ZNF516: variants seen among roughly 807,000 people sequenced by gnomAD.
ZNF516 encodes the protein zinc finger protein 516.
A neutral mutation model predicts 79.7 loss-of-function variants in ZNF516; 19 were observed. That is an observed-to-expected ratio of 0.24 (90% CI 0.17 to 0.35). ZNF516 has a LOEUF of 0.35. Among genes scored for constraint, ZNF516 ranks in the 10% least tolerant of loss-of-function variants. The pLI, the probability that ZNF516 is intolerant of heterozygous loss-of-function variation, is 1.00. For synonymous variants in ZNF516, 877 were observed against 739.5 expected (o/e 1.19, Z -3.02); for missense variants, 1,678 against 1,679.5 (o/e 1.00, Z 0.02).
At position 76,379,496 on chromosome 18, in the gene ZNF516, C is replaced by A; in HGVS notation, c.2618G>T (p.Gly873Val). The change falls in exon 4 of 7, where the codon GGT becomes GTT. Residue 873 changes from glycine to valine, a missense_variant. This residue lies in a region of ZNF516 where 1,294 missense variants were observed against 1,248.3 expected (regional missense o/e 1.04). Coordinates refer to ENST00000443185, the MANE Select transcript of ZNF516 (RefSeq NM_014643.4). ...MPKNKESHSG[G>V]PCALWAPGPD... ...GCCGGGCGCCCACAGAGCGCAGGGA[C>A]CTCCGGAATGGCTCTCCTTATTCTT... is the stretch of plus-strand genomic sequence containing the variant. 1 of 1,613,748 alleles carries A rather than the reference C, an allele frequency of 6.2e-7. No individual in the cohort carries two copies. Among genetic ancestry groups the A allele is most frequent in the Non-Finnish European group, 8.5e-7 (1 of 1,179,898 alleles).
intron 3 of ZNF516, among the ~76,000 whole-genome samples, chr18:76,419,837 A>G (rs1401079981): frequency 2.0e-5 from 3 of 152,242 alleles, no homozygotes; most frequent in African/African-American, 7.2e-5. Context: ...CAGCATGAGA[A>G]GAGACTAATA....
At position 76,442,109 on chromosome 18, in the gene ZNF516, C is replaced by A; in HGVS notation, c.946G>T (p.Ala316Ser). The A allele has an allele frequency of 6.2e-7, 1 of 1,613,960 alleles. No homozygotes were observed. Among genetic ancestry groups the A allele is most frequent in the Non-Finnish European group, 8.5e-7 (1 of 1,179,892 alleles). Reference protein sequence around the residue: ...NRPKSELDPIATINNVVQEEV... With the variant: ...NRPKSELDPISTINNVVQEEV... ...TCCTGGACCACGTTGTTGATGGTGG[C>A]GATGGGGTCCAGCTCACTCTTGGGC... The change falls in exon 3 of 7, where the codon GCC becomes TCC. Residue 316 changes from alanine (A) to serine (S), a missense_variant. This residue lies in a region of ZNF516 where 1,294 missense variants were observed against 1,248.3 expected (regional missense o/e 1.04). Transcript: ENST00000443185.
At chr18:76,411,130 T>G (rs1043294760) in intron 3 of ZNF516, among the ~76,000 whole-genome samples, 9 of 152,210 alleles carry the variant, frequency 5.9e-5, no homozygotes, top group African/African-American at 2.2e-4. Context: ...TAACAGGTCC[T>G]CCTCCGGGAT....
At position 76,493,468 on chromosome 18, in the gene ZNF516, T is replaced by C. The variant is rs1915352122; in HGVS notation, c.-272+1676A>G. ...GTAACAAACACTCGTTCCTAATTTA[T>C]GAACTCGCCGTTTTGATTTTATTAT... On this transcript the variant is annotated intron_variant, in intron 1 of 6. Coordinates refer to ENST00000443185, the MANE Select transcript of ZNF516 (RefSeq NM_014643.4). The surrounding 1 kb of genome is among the most constrained non-coding windows in gnomAD (Gnocchi z 5.2). The C allele has an allele frequency of 6.6e-6, 1 of 152,412 alleles. No individual in the cohort carries two copies. Among genetic ancestry groups the C allele is most frequent in the Admixed American group, 6.5e-5 (1 of 15,290 alleles). 9.4% of individuals were successfully genotyped at this position (152,412 alleles called of 1,614,324 possible).
intron 3 of ZNF516, among the ~76,000 whole-genome samples, chr18:76,424,703 C>T (rs1425967055): frequency 7.1e-6 from 1 of 140,380 alleles, no homozygotes; most frequent in African/African-American, 2.7e-5. Flanking sequence ...CCGAAACACA[C>T]GCAGGTGAAA....
At chr18:76,429,435 T>C (rs2075634637) in intron 3 of ZNF516, among the ~76,000 whole-genome samples, 1 of 152,018 alleles carries the variant, frequency 6.6e-6, no homozygotes, top group Admixed American at 6.5e-5. Context: ...CTCACTGAGG[T>C]GTTTTGTGCT....
intron 3 of ZNF516, among the ~76,000 whole-genome samples, chr18:76,397,204 T>C (rs1378942461): frequency 3.3e-5 from 5 of 152,210 alleles, no homozygotes; most frequent in Admixed American, 3.3e-4. Flanking sequence ...AGTGACAGCG[T>C]GGGTCTTGCC....
intron 1 of ZNF516, among the ~76,000 whole-genome samples, chr18:76,477,518 G>C (rs1914243395): frequency 6.6e-6 from 1 of 152,180 alleles, no homozygotes; most frequent in South Asian, 2.1e-4. Context: ...TGGGACAAAA[G>C]GCGAGATTCG....
chr18:76,470,264 C>T (rs527939710), intron 1 of ZNF516, among the ~76,000 whole-genome samples: 1 of 152,232 alleles, frequency 6.6e-6, no homozygotes, highest in East Asian at 1.9e-4. Context: ...GCGTTTTCCC[C>T]CCAACTTTTA....
intron 3 of ZNF516, among the ~76,000 whole-genome samples, chr18:76,430,286 CTAGTCT>C (rs2075645950): frequency 6.6e-6 from 1 of 152,154 alleles, no homozygotes. Context: ...CTATCATGTC[CTAGTCT>C]AATACCGAAA....
chr18:76,382,176 AAAAT>A (rs958403116), intron 3 of ZNF516, among the ~76,000 whole-genome samples: 3 of 152,170 alleles, frequency 2.0e-5, no homozygotes, highest in Non-Finnish European at 2.9e-5. Flanking sequence ...TTTAAAATAA[AAAAT>A]AAATCAATGA....
intron 6 of ZNF516, among the ~76,000 whole-genome samples, chr18:76,366,471 T>C (rs1217969399): frequency 6.6e-6 from 1 of 152,190 alleles, no homozygotes; most frequent in Non-Finnish European, 1.5e-5. Context: ...TAATGAATAA[T>C]TAACGACAAG....
chr18:76,408,222 C>T lies in ZNF516; in HGVS notation c.1811-27919G>A, dbSNP rs138376779. Among the ~76,000 whole-genome samples, 336 of 152,278 alleles carry T rather than the reference C, an allele frequency of 2.2e-3. 1 individual carries two copies. Among genetic ancestry groups the T allele is most frequent in the Middle Eastern group, 6.8e-3 (2 of 294 alleles). ...TAGACCTTGCATGAACGTTTTTAATCGCACGTCACTATGACCTCCCCGCTG... is the reference window on the plus strand; with the variant it reads ...TAGACCTTGCATGAACGTTTTTAATTGCACGTCACTATGACCTCCCCGCTG... On this transcript the variant is annotated intron_variant, in intron 3 of 6. Transcript: ENST00000443185.
At chr18:76,368,914 A>G (rs1046785626) in intron 6 of ZNF516, among the ~76,000 whole-genome samples, 6 of 152,196 alleles carry the variant, frequency 3.9e-5, no homozygotes, top group Non-Finnish European at 5.9e-5. Context: ...CAGCAAATAA[A>G]CTGACATGCA....
chr18:76,399,445 TG>T (rs2075189024), intron 3 of ZNF516, among the ~76,000 whole-genome samples: 3 of 152,214 alleles, frequency 2.0e-5, no homozygotes, highest in Admixed American at 6.5e-5. Flanking sequence ...ACATTACATG[TG>T]GGGGATTATA....
chr18:76,402,041 G>A (rs936157619), intron 3 of ZNF516, among the ~76,000 whole-genome samples: 4 of 151,892 alleles, frequency 2.6e-5, no homozygotes, highest in Non-Finnish European at 4.4e-5. Flanking sequence ...ATGTGTGCAC[G>A]TGAACGTGAC....
At chr18:76,492,622 G>T in intron 1 of ZNF516, 1 of 686,930 alleles carries the variant, frequency 1.5e-6, no homozygotes. Flanking sequence ...CGGGCGAGTG[G>T]GTTCCATCAT....
rs544212982 is a variant in ZNF516 at position 76,451,906 on chromosome 18, C to T, written c.-157-8695G>A. On this transcript the variant is annotated intron_variant, in intron 2 of 6. Transcript: ENST00000443185. This position sits in a 1 kb window ranked among gnomAD's most constrained non-coding sequence, Gnocchi z 6.0. ...TCTGTACACCAGTAACAATTACAGG[C>T]TTATAGTCCCCAGACTGGGGTCCCG... 4.6e-5 allele frequency among the ~76,000 whole-genome samples: 7 copies of T among 152,308 alleles called. No homozygotes were observed. In the South Asian group the frequency reaches 6.2e-4, roughly 14 times the overall value.
At chr18:76,421,038 CT>C (rs1482043703) in intron 3 of ZNF516, among the ~76,000 whole-genome samples, 1 of 152,172 alleles carries the variant, frequency 6.6e-6, no homozygotes, top group African/African-American at 2.4e-5. Flanking sequence ...AGTTGAGCAC[CT>C]GGGCGTGGAC....
Sources: gnomAD v4.1 joint callset for allele counts (sites outside exome capture counted in the v4.1 genomes callset) on GRCh38, gnomAD v4.1.1 for gene constraint, gnomAD v4.1.1 regional missense constraint, Gnocchi (gnomAD v3.1) non-coding constraint, MANE v1.5 for transcripts, NCBI Gene and HGNC (gene_info 2026-07-23, HGNC 2026-07-21) for gene names.